Variants in ZNF33A observed in about 807,000 individuals in gnomAD.
ZNF33A encodes the protein brain my041 protein.
A neutral mutation model predicts 15.9 loss-of-function variants in ZNF33A; 9 were observed. The ratio of observed to expected loss-of-function variants is 0.57; its 90% confidence interval spans 0.34 to 0.99. The LOEUF is 0.99. Ranked by LOEUF, ZNF33A falls within the 50% of genes least tolerant of loss-of-function variation. The pLI, the probability that ZNF33A is intolerant of heterozygous loss-of-function variation, is 0.02. For missense variants in ZNF33A, 843 were observed against 941.6 expected (o/e 0.90, Z 1.37); for synonymous variants, 294 against 324.2 (o/e 0.91, Z 1.00).
Position 38,059,732 on chromosome 10 carries a change from G to A in ZNF33A, c.*3172G>A, listed in dbSNP as rs568284590. The A allele has an allele frequency of 2.6e-5, 4 of 152,202 alleles. No individual in the cohort carries two copies. Among genetic ancestry groups the A allele is most frequent in the African/African-American group, 4.8e-5 (2 of 41,444 alleles). 9.4% of individuals were successfully genotyped at this position (152,202 alleles called of 1,614,324 possible). The stretch of plus-strand genomic sequence containing the variant: ...GGAAAGGAGGGATGGCAGGTAGAGA[G>A]GTGATTTTTAAGGCAGTGAAAGTAC... On this transcript the variant is annotated 3_prime_UTR_variant, in exon 5 of 5. Coordinates refer to ENST00000432900, the MANE Select transcript of ZNF33A (RefSeq NM_006954.2).
intron 4 of ZNF33A, among the ~76,000 whole-genome samples, chr10:38,050,659 A>G (rs1412006927): frequency 6.6e-6 from 1 of 152,254 alleles, no homozygotes; most frequent in Non-Finnish European, 1.5e-5. Flanking sequence ...CTTTGTCTGC[A>G]TTGGTTGCAG....
At chr10:38,052,243 A>G (rs2066242190) in intron 4 of ZNF33A, among the ~76,000 whole-genome samples, 1 of 151,996 alleles carries the variant, frequency 6.6e-6, no homozygotes, top group African/African-American at 2.4e-5. Context: ...GAATGGGAAA[A>G]ATAATGACTA....
At chr10:38,010,572 G>A, upstream of ZNF33A, 3 of 868,480 alleles carry the variant, frequency 3.5e-6, no homozygotes. Context: ...CCGAAGGGCT[G>A]CTCGCCCGGC....
Position 38,057,327 on chromosome 10 carries a change from G to A in ZNF33A, c.*767G>A, listed in dbSNP as rs2066527474. On this transcript the variant is annotated 3_prime_UTR_variant, in exon 5 of 5. Transcript: ENST00000432900. ...GCAACCCTATCCCTTGCATCCACTT[G>A]ACTATGAAGTTTTTTTAAAGCACAG... The A allele has an allele frequency of 1.0e-6, 1 of 985,354 alleles. No homozygotes were observed. The highest frequency in any genetic ancestry group is 1.2e-6 in the Non-Finnish European group (1 of 829,920). 61.0% of individuals were successfully genotyped at this position (985,354 alleles called of 1,614,324 possible).
At chr10:38,051,416 C>T (rs952847954) in intron 4 of ZNF33A, among the ~76,000 whole-genome samples, 45 of 152,168 alleles carry the variant, frequency 3.0e-4, no homozygotes, top group African/African-American at 1.0e-3. Flanking sequence ...ATCGCATCAG[C>T]TGAAAAATCA....
chr10:38,016,446 C>T (rs569127047), intron 2 of ZNF33A, among the ~76,000 whole-genome samples: 1 of 152,270 alleles, frequency 6.6e-6, no homozygotes, highest in South Asian at 2.1e-4. Flanking sequence ...TATCATGGCC[C>T]TATGCTTATG....
At chr10:38,066,707 G>T (rs1355378696), downstream of ZNF33A, among the ~76,000 whole-genome samples, 1 of 152,034 alleles carries the variant, frequency 6.6e-6, no homozygotes, top group Non-Finnish European at 1.5e-5. Flanking sequence ...GGCCAAGGTG[G>T]GTGGATCACT....
At chr10:38,047,181 C>G (rs73246314) in intron 4 of ZNF33A, among the ~76,000 whole-genome samples, 193 of 113,804 alleles carry the variant, frequency 1.7e-3, no homozygotes, top group Non-Finnish European at 2.8e-3. Flanking sequence ...CGTCTCCCCC[C>G]ACCCCTGCCA....
intron 4 of ZNF33A, among the ~76,000 whole-genome samples, chr10:38,031,887 C>T (rs533294903): frequency 3.3e-5 from 5 of 152,140 alleles, no homozygotes; most frequent in Admixed American, 2.6e-4. Flanking sequence ...TGCTTGAACC[C>T]GGGAGGCGGA....
chr10:38,056,631 T>C lies in ZNF33A; in HGVS notation c.*71T>C, dbSNP rs956170605. The C allele has an allele frequency of 2.6e-5, 39 of 1,485,522 alleles. No homozygotes were observed. The African/African-American group carries it at 4.8e-4, about 18-fold the overall frequency. The allele number at this position is 1,485,522 out of a possible 1,614,324, so 92.0% of individuals were successfully genotyped here. On this transcript the variant is annotated 3_prime_UTR_variant, in exon 5 of 5. Coordinates refer to ENST00000432900, the MANE Select transcript of ZNF33A (RefSeq NM_006954.2). ...ATAAACCCATAGACTACAACAATTA[T>C]AGGACAGCTTTTGTTAGGAAGTGAT...
At chr10:38,050,121 A>C (rs2066134618) in intron 4 of ZNF33A, among the ~76,000 whole-genome samples, 1 of 152,222 alleles carries the variant, frequency 6.6e-6, no homozygotes, top group African/African-American at 2.4e-5. Context: ...TTTCCAGAAA[A>C]TTCAAGAAGA....
chr10:38,027,057 A>T (rs2474547), intron 4 of ZNF33A, among the ~76,000 whole-genome samples: 9,106 of 152,166 alleles, frequency 0.06, 351 homozygotes, highest in Middle Eastern at 0.095. Context: ...TTGGGCTCTC[A>T]CTTGCATTCC....
At chr10:38,065,468 G>A (rs896648269), downstream of ZNF33A, among the ~76,000 whole-genome samples, 9 of 152,312 alleles carry the variant, frequency 5.9e-5, no homozygotes, top group South Asian at 1.9e-3. Flanking sequence ...CTGTTGACCT[G>A]CTCTTATGTC....
intron 4 of ZNF33A, among the ~76,000 whole-genome samples, chr10:38,052,714 G>T (rs2066260679): frequency 1.3e-5 from 2 of 152,140 alleles, no homozygotes; most frequent in South Asian, 4.1e-4. Context: ...AGGATTACCT[G>T]ATTTCAAGAC....
intron 4 of ZNF33A, among the ~76,000 whole-genome samples, chr10:38,033,396 T>C (rs567244081): frequency 1.3e-5 from 2 of 152,362 alleles, no homozygotes; most frequent in Non-Finnish European, 2.9e-5. Context: ...TTGACTATTA[T>C]GAATAATTCT....
intron 4 of ZNF33A, among the ~76,000 whole-genome samples, chr10:38,037,518 GT>G (rs898500595): frequency 6.6e-6 from 1 of 151,876 alleles, no homozygotes; most frequent in African/African-American, 2.4e-5. Context: ...TAGAGATGGA[GT>G]TTCGTCATAT....
In ZNF33A at chr10:38,057,127, C is replaced by T. The variant is rs773469602; in HGVS notation, c.*567C>T. The T allele has an allele frequency of 6.4e-5, 46 of 722,638 alleles. No homozygotes were observed. The highest frequency in any genetic ancestry group is 6.8e-5 in the Non-Finnish European group (40 of 589,748). The allele number at this position is 722,638 out of a possible 1,614,324, so 44.8% of individuals were successfully genotyped here. A position where few individuals can be genotyped will look rare whatever the true frequency, so the allele number is the denominator to read the frequency against. On this transcript the variant is annotated 3_prime_UTR_variant, in exon 5 of 5. Transcript: ENST00000432900. ...TGCATGCACTCTGTGTGTGTGTGTA[C>T]GTGTATGTGTGTGTGTGTGGTTATA... is the stretch of plus-strand genomic sequence containing the variant.
intron 4 of ZNF33A, among the ~76,000 whole-genome samples, chr10:38,050,760 C>T (rs1354561234): frequency 2.0e-5 from 3 of 152,222 alleles, no homozygotes; most frequent in East Asian, 1.9e-4. Flanking sequence ...GTCCCTCTGA[C>T]ATTCTTAGGA....
chr10:38,063,440 G>T (rs947541658), downstream of ZNF33A, among the ~76,000 whole-genome samples: 4 of 152,266 alleles, frequency 2.6e-5, no homozygotes, highest in Admixed American at 1.3e-4. Flanking sequence ...AAAATGGGCA[G>T]CTTTGTGCAT....
Sources: allele counts gnomAD v4.1 joint callset (sites outside exome capture counted in the v4.1 genomes callset), GRCh38; gene constraint gnomAD v4.1.1; transcripts MANE v1.5; gene names NCBI Gene and HGNC (gene_info 2026-07-23, HGNC 2026-07-21).